The following GPS1 variants were observed in gnomAD, a reference collection of about 807,000 sequenced individuals.
GPS1 encodes the protein COP9 signalosome complex subunit 1.
A neutral mutation model predicts 60.0 loss-of-function variants in GPS1; 11 were observed. The ratio of observed to expected loss-of-function variants is 0.18; its 90% confidence interval spans 0.12 to 0.30. GPS1 has a LOEUF of 0.30. GPS1 is among the 10% of genes least tolerant of loss of function. The pLI, the probability that GPS1 is intolerant of heterozygous loss-of-function variation, is 1.00. For missense variants in GPS1, 543 were observed against 669.2 expected, an observed-to-expected ratio of 0.81 and a Z score of 2.08; for synonymous variants, 343 against 269.8, an observed-to-expected ratio of 1.27 and a Z score of -2.66.
At chr17:82,051,018 T>C (rs1378838977), upstream of GPS1, 2 of 1,400,434 alleles carry the variant, frequency 1.4e-6, no homozygotes, top group Admixed American at 6.4e-5. This position sits in a 1 kb window ranked among gnomAD's most constrained non-coding sequence, Gnocchi z 4.1. Context: ...TGACCTGGCC[T>C]GGAAGGGCGG....
rs773376205 is a variant in GPS1, at chr17:82,054,985, A to G, written c.687+10A>G. On this transcript the variant is annotated intron_variant, in intron 5 of 12. Coordinates refer to ENST00000578552, the MANE Select transcript of GPS1 (RefSeq NM_001321092.3). ...CCCAGAGATTGCCGAGGTACGGGCC[A>G]CCTCCTCAGAGACCTTGCCCCCAGG... is the stretch of plus-strand genomic sequence containing the variant. 6.2e-6 allele frequency: 10 copies of G among 1,612,738 alleles called. No homozygotes were observed. Among genetic ancestry groups the G allele is most frequent in the Non-Finnish European group, 7.6e-6 (9 of 1,179,904 alleles).
At chr17:82,051,428 G>C, upstream of GPS1, 1 of 1,383,406 alleles carries the variant, frequency 7.2e-7, no homozygotes, top group South Asian at 1.8e-5. The surrounding 1 kb of genome is among the most constrained non-coding windows in gnomAD (Gnocchi z 4.1). Context: ...CGGGGGCCTG[G>C]GCCGGGCCTA....
Position 82,052,236 on chromosome 17 carries a change from A to G in GPS1, c.33+272A>G, listed in dbSNP as rs773525057. On this transcript the variant is annotated intron_variant, in intron 1 of 12. Transcript: ENST00000578552. ...AGAGGTTCCCGGCCGCCCCGACGCT[A>G]ACGCTCTTTCTCCCTTCAGCAGCCA... 5.7e-6 allele frequency: 9 copies of G among 1,590,148 alleles called. No homozygotes were observed. In the South Asian group the frequency reaches 1.0e-4, roughly 18 times the overall value.
intron 1 of GPS1, 141 bp downstream of exon 1, chr17:82,052,105 C>T (rs931127756): frequency 2.6e-5 from 22 of 831,978 alleles, no homozygotes; most frequent in Non-Finnish European, 3.3e-5. Context: ...GGGCAGCGCG[C>T]GTCGGGGGCT....
At chr17:82,050,994 G>A (rs756685492), upstream of GPS1, 155 of 1,421,400 alleles carry the variant, frequency 1.1e-4, no homozygotes, top group African/African-American at 1.2e-4. Flanking sequence ...AAACAGGACG[G>A]AGGCAGCTCG....
rs563587647 is a variant in GPS1 at position 82,057,446 on chromosome 17, T to C, written c.*319T>C. 4.6e-5 allele frequency: 25 copies of C among 545,990 alleles called. No homozygotes were observed. Among genetic ancestry groups the C allele is most frequent in the Non-Finnish European group, 8.8e-5 (25 of 283,262 alleles). The allele number at this position is 545,990 out of a possible 1,614,324, so 33.8% of individuals were successfully genotyped here. A position where few individuals can be genotyped will look rare whatever the true frequency, so the allele number is the denominator to read the frequency against. On this transcript the variant is annotated 3_prime_UTR_variant, in exon 13 of 13. Transcript: ENST00000578552. ...GTCAGGTGCAGACAAGTGGGCGGTG[T>C]CCATTAAAGAGCAGACTCAGCGTTG...
chr17:82,050,972 T>A, upstream of GPS1: 2 of 1,428,362 alleles, frequency 1.4e-6, no homozygotes, highest in Non-Finnish European at 1.8e-6. Context: ...TCGGTTGGGA[T>A]CTCTTGAGTG....
upstream of GPS1, chr17:82,051,831 C>A (rs1036852301): frequency 8.2e-4 from 938 of 1,137,360 alleles, no homozygotes; most frequent in Non-Finnish European, 9.5e-4. This position sits in a 1 kb window ranked among gnomAD's most constrained non-coding sequence, Gnocchi z 4.1. Context: ...TGGGCGGCGG[C>A]CCCTTTAAGA....
chr17:82,056,410 A>G lies in GPS1; in HGVS notation c.1035+19A>G. The G allele has an allele frequency of 1.2e-6, 2 of 1,603,720 alleles. No homozygotes were observed. The highest frequency in any genetic ancestry group is 8.5e-7 in the Non-Finnish European group (1 of 1,171,820). ...GATGAAGGTGGGCCCCGCCTGGGGT[A>G]GGGGTGAGGTGGGGCCCTGCCTGGC... On this transcript the variant is annotated intron_variant, in intron 9 of 12. Transcript: ENST00000578552.
upstream of GPS1, chr17:82,051,085 G>A: frequency 5.8e-6 from 8 of 1,370,432 alleles, no homozygotes; most frequent in Non-Finnish European, 7.5e-6. The surrounding 1 kb of genome is among the most constrained non-coding windows in gnomAD (Gnocchi z 4.1). Context: ...CCCGGGAAGC[G>A]GCTAGTGTGA....
upstream of GPS1, chr17:82,051,061 C>A: frequency 7.3e-7 from 1 of 1,379,052 alleles, no homozygotes; most frequent in Non-Finnish European, 9.3e-7. The surrounding 1 kb of genome is among the most constrained non-coding windows in gnomAD (Gnocchi z 4.1). Context: ...GGGGACGTGG[C>A]ACTAGCCCCA....
chr17:82,055,050 T>G (rs2032212082), intron 5 of GPS1, 75 bp downstream of exon 5: 1 of 1,592,586 alleles, frequency 6.3e-7, no homozygotes, highest in Admixed American at 1.7e-5. Flanking sequence ...CTCCCCCACC[T>G]CATTCTCCCC....
At chr17:82,056,586 G>A (rs2032838754) in intron 10 of GPS1, 36 bp downstream of exon 10, 1 of 1,612,370 alleles carries the variant, frequency 6.2e-7, no homozygotes. Context: ...ACGGCAGGCG[G>A]GCATGCAGGG....
Position 82,057,442 on chromosome 17 carries a change from G to C in GPS1, c.*315G>C. The C allele has an allele frequency of 1.8e-6, 1 of 560,706 alleles. No individual in the cohort carries two copies. The allele number at this position is 560,706 out of a possible 1,614,324, so 34.7% of individuals were successfully genotyped here. A position where few individuals can be genotyped will look rare whatever the true frequency, so the allele number is the denominator to read the frequency against. Reference sequence around the variant, plus strand: ...CTCAGTCAGGTGCAGACAAGTGGGCGGTGTCCATTAAAGAGCAGACTCAGC... The same window carrying C: ...CTCAGTCAGGTGCAGACAAGTGGGCCGTGTCCATTAAAGAGCAGACTCAGC... On this transcript the variant is annotated 3_prime_UTR_variant, in exon 13 of 13. Coordinates refer to ENST00000578552, the MANE Select transcript of GPS1 (RefSeq NM_001321092.3).
At chr17:82,051,486 G>A, upstream of GPS1, 2 of 1,365,260 alleles carry the variant, frequency 1.5e-6, no homozygotes, top group South Asian at 3.5e-5. The surrounding 1 kb of genome is among the most constrained non-coding windows in gnomAD (Gnocchi z 4.1). Context: ...CGTCGGGGTC[G>A]GGGTCCGGCG....
At chr17:82,051,809 C>T (rs1217614847), upstream of GPS1, 3 of 1,132,864 alleles carry the variant, frequency 2.6e-6, no homozygotes, top group East Asian at 4.4e-5. This position sits in a 1 kb window ranked among gnomAD's most constrained non-coding sequence, Gnocchi z 4.1. Flanking sequence ...AGAACCTGGC[C>T]GGAGCCGTGG....
At chr17:82,051,506 G>A, upstream of GPS1, 1 of 1,384,978 alleles carries the variant, frequency 7.2e-7, no homozygotes, top group South Asian at 1.6e-5. The surrounding 1 kb of genome is among the most constrained non-coding windows in gnomAD (Gnocchi z 4.1). Flanking sequence ...GCACCTGCTG[G>A]CGGGCCCGGG....
rs889068673 is a variant in GPS1, at chr17:82,055,312, C to A, written c.748+90C>A. On this transcript the variant is annotated intron_variant, in intron 6 of 12. Transcript: ENST00000578552. ...GGCAGTAGGCTGGTCCCTGCCTCAGCCAGGGAAAACTTCCCTGGCAGGGCG... is the reference window on the plus strand; with the variant it reads ...GGCAGTAGGCTGGTCCCTGCCTCAGACAGGGAAAACTTCCCTGGCAGGGCG... The A allele has an allele frequency of 5.3e-6, 7 of 1,313,954 alleles. No individual in the cohort carries two copies. The African/African-American group carries it at 7.3e-5, about 14-fold the overall frequency. 81.4% of individuals were successfully genotyped at this position (1,313,954 alleles called of 1,614,324 possible). A position where few individuals can be genotyped will look rare whatever the true frequency, so the allele number is the denominator to read the frequency against.
At chr17:82,051,108 G>C, upstream of GPS1, 1 of 1,349,216 alleles carries the variant, frequency 7.4e-7, no homozygotes, top group East Asian at 2.9e-5. The surrounding 1 kb of genome is among the most constrained non-coding windows in gnomAD (Gnocchi z 4.1). Context: ...GGCTGGTGGG[G>C]AGCAGAGCTT....
Sources: allele counts gnomAD v4.1 joint callset, GRCh38; gene constraint gnomAD v4.1.1; non-coding constraint Gnocchi (gnomAD v3.1); transcripts MANE v1.5; gene names NCBI Gene and HGNC (gene_info 2026-07-23, HGNC 2026-07-21).